Variants in ZNF572 observed in about 807,000 individuals in gnomAD.
ZNF572 encodes zinc finger protein 572.
Under a neutral mutation model 3.8 loss-of-function variants are expected in ZNF572, and 2 were observed. The observed-to-expected ratio is 0.52, with a 90% CI of 0.21 to 1.65. ZNF572 has a LOEUF of 1.65. Among genes scored for constraint, ZNF572 ranks in the 40% most tolerant of loss-of-function variants. ZNF572 has a pLI of 0.20. For missense variants in ZNF572, 581 were observed against 633.4 expected, an observed-to-expected ratio of 0.92 and a Z score of 0.89; for synonymous variants, 187 against 204.5, an observed-to-expected ratio of 0.91 and a Z score of 0.73.
rs1814497254 is a variant in ZNF572, at chr8:124,975,648, A to G, written c.8A>G (p.Gln3Arg). The G allele has an allele frequency of 1.2e-6, 2 of 1,613,782 alleles. No homozygotes were observed. The highest frequency in any genetic ancestry group is 3.3e-5 in the Admixed American group (2 of 60,000). Reference protein sequence around the residue: MEQEKKLLVSDSN... With the variant: MEREKKLLVSDSN... ...TTGGCTGTGATCATTGTGATGGAGC[A>G]AGAAAAAAAACTGTTGGTCTCAGAT... The change falls in exon 2 of 3, where the codon CAA becomes CGA. Residue 3 changes from glutamine to arginine, a missense_variant. By Grantham distance (43) the Gln-to-Arg change is conservative. Coordinates refer to ENST00000319286, the MANE Select transcript of ZNF572 (RefSeq NM_152412.3).
chr8:124,976,402 ATAAACT>A lies in ZNF572; in HGVS notation c.139_144del (p.Leu47_Lys48del), dbSNP rs547438918. 2,287 of 1,611,350 alleles carry A rather than the reference ATAAACT, an allele frequency of 1.4e-3. 3 individuals are homozygous for A. The highest frequency in any genetic ancestry group is 1.7e-3 in the Non-Finnish European group (1,967 of 1,178,882). ...GTTCACCACAATAATTCTAAGGCAGATAAACTTAAAGAGAAACCTTCAGAATGGTCT... is the reference window on the plus strand; with the variant it reads ...GTTCACCACAATAATTCTAAGGCAGATAAAGAGAAACCTTCAGAATGGTCT... On this transcript the variant is annotated inframe_deletion, in exon 3 of 3. Transcript: ENST00000319286.
At position 124,977,423 on chromosome 8, in the gene ZNF572, A is replaced by G. The variant is rs200935963; in HGVS notation, c.1155A>G (p.Arg385=). The G allele has an allele frequency of 6.2e-7, 1 of 1,614,080 alleles. No homozygotes were observed. Among genetic ancestry groups the G allele is most frequent in the Non-Finnish European group, 8.5e-7 (1 of 1,179,998 alleles). Residue 385 remains arginine, a synonymous_variant, in exon 3 of 3, where the codon AGA becomes AGG. Coordinates refer to ENST00000319286, the MANE Select transcript of ZNF572 (RefSeq NM_152412.3). ...CRIQLGEKPY[R]CCECGKSFGL... is the part of the protein sequence containing the mutation. ...TCCAGTTAGGAGAGAAACCATATAGATGTTGTGAATGTGGGAAGAGTTTTG... is the reference window on the plus strand; with the variant it reads ...TCCAGTTAGGAGAGAAACCATATAGGTGTTGTGAATGTGGGAAGAGTTTTG...
Position 124,977,677 on chromosome 8 carries a change from G to A in ZNF572, c.1409G>A (p.Cys470Tyr). The A allele has an allele frequency of 1.2e-6, 2 of 1,614,212 alleles. No individual in the cohort carries two copies. The highest frequency in any genetic ancestry group is 1.3e-5 in the African/African-American group (1 of 75,062). ...RTHIGEKPYK[C>Y]TSCEKCFSRS... ...CACATAGGGGAAAAACCTTACAAAT[G>A]TACCAGCTGTGAGAAATGCTTCAGC... Residue 470 changes from cysteine (C) to tyrosine (Y), a missense_variant, in exon 3 of 3, where the codon TGT (cysteine) becomes TAT (tyrosine). Cys to Tyr is a radical substitution (Grantham distance 194). Coordinates refer to ENST00000319286, the MANE Select transcript of ZNF572 (RefSeq NM_152412.3).
chr8:124,977,353 A>C lies in ZNF572; in HGVS notation c.1085A>C (p.Glu362Ala). The C allele has an allele frequency of 1.9e-6, 3 of 1,614,240 alleles. No homozygotes were observed. Among genetic ancestry groups the C allele is most frequent in the Non-Finnish European group, 1.7e-6 (2 of 1,180,040 alleles). ...AAATCCTATGAAAGTTCTGAATATGAGGAAAGTTTGGGTCAGAACTGCAAT... is the reference window on the plus strand; with the variant it reads ...AAATCCTATGAAAGTTCTGAATATGCGGAAAGTTTGGGTCAGAACTGCAAT... ...GEKSYESSEYEESLGQNCNVI... is the reference protein window; with the variant it reads ...GEKSYESSEYAESLGQNCNVI... The change falls in exon 3 of 3, where the codon GAG becomes GCG. Residue 362 changes from glutamate (E) to alanine (A), a missense_variant. By Grantham distance (107) the Glu-to-Ala change is moderately radical. Transcript: ENST00000319286.
In ZNF572 at chr8:124,978,052, CACCAA is replaced by C; in HGVS notation, c.*195_*199del. ...GGATCTGTCCAGTGAGAGATTCATC[CACCAA>C]GGATGAAGAAAGGAGGACTTTTAAA... On this transcript the variant is annotated 3_prime_UTR_variant, in exon 3 of 3. Transcript: ENST00000319286. The C allele has an allele frequency of 1.8e-6, 1 of 547,074 alleles. No individual in the cohort carries two copies. The highest frequency in any genetic ancestry group is 3.0e-6 in the Non-Finnish European group (1 of 329,106). The allele number at this position is 547,074 out of a possible 1,614,324, so 33.9% of individuals were successfully genotyped here.
chr8:124,976,583 A>G lies in ZNF572; in HGVS notation c.315A>G (p.Lys105=). ...ATTTTATAGCTAAAGAGGAGGAAAA[A>G]CCCAATCACCAGGAATGGGACTCAG... The part of the protein sequence containing the change: ...WGNFIAKEEE[K]PNHQEWDSGE... The change falls in exon 3 of 3, where the codon AAA becomes AAG. Residue 105 remains lysine, a synonymous_variant. Transcript: ENST00000319286. The G allele has an allele frequency of 6.2e-7, 1 of 1,614,116 alleles. No individual in the cohort carries two copies. Among genetic ancestry groups the G allele is most frequent in the Non-Finnish European group, 8.5e-7 (1 of 1,180,000 alleles).
chr8:124,977,177 T>A lies in ZNF572; in HGVS notation c.909T>A (p.Leu303=). 6.2e-7 allele frequency: 1 copy of A among 1,610,180 alleles called. No individual in the cohort carries two copies. The highest frequency in any genetic ancestry group is 8.5e-7 in the Non-Finnish European group (1 of 1,180,004). ...THTGEKPYKC[L]ECEKSFGCNS... is the part of the protein sequence containing the mutation. Reference sequence around the variant, plus strand: ...CAGGTGAGAAGCCCTACAAATGTCTTGAGTGTGAAAAAAGCTTTGGTTGTA... The same window carrying A: ...CAGGTGAGAAGCCCTACAAATGTCTAGAGTGTGAAAAAAGCTTTGGTTGTA... Residue 303 remains leucine (L), a synonymous_variant, in exon 3 of 3, where the codon CTT becomes CTA. Coordinates refer to ENST00000319286, the MANE Select transcript of ZNF572 (RefSeq NM_152412.3).
In ZNF572 at chr8:124,977,045, A is replaced by G; in HGVS notation, c.777A>G (p.Leu259=). Residue 259 remains leucine, a synonymous_variant, in exon 3 of 3, where the codon CTA becomes CTG. Transcript: ENST00000319286. ...CGKGFSHSYV[L]IEHQRTHTGE... ...AAGGCTTCAGTCACAGCTATGTCCT[A>G]ATAGAACATCAGAGGACTCACACTG... 4.3e-6 allele frequency: 7 copies of G among 1,613,186 alleles called. No individual in the cohort carries two copies. The highest frequency in any genetic ancestry group is 5.9e-6 in the Non-Finnish European group (7 of 1,180,006).
Position 124,977,818 on chromosome 8 carries a change from C to T in ZNF572, c.1550C>T (p.Pro517Leu), listed in dbSNP as rs761153028. 1 of 1,600,812 alleles carries T rather than the reference C, an allele frequency of 6.2e-7. No homozygotes were observed. The part of the protein sequence containing the change: ...WTWKNCSGEM[P>L]FISSFSVSNS... ...TGGAAAAACTGTTCAGGGGAAATGC[C>T]CTTCATCTCTTCATTTTCCGTCTCA... The change falls in exon 3 of 3, where the codon CCC (proline) becomes CTC (leucine). Residue 517 changes from proline (P) to leucine (L), a missense_variant. By Grantham distance (98) the Pro-to-Leu change is moderately conservative (BLOSUM62 -3). Transcript: ENST00000319286.
rs754241764 is a variant in ZNF572 at position 124,976,642 on chromosome 8, C to T, written c.374C>T (p.Ser125Leu). 28 of 1,614,206 alleles carry T rather than the reference C, an allele frequency of 1.7e-5. No individual in the cohort carries two copies. The highest frequency in any genetic ancestry group is 2.3e-5 in the Non-Finnish European group (27 of 1,180,032). ...ACCAATGCCTGTGTCCAGCAGAATT[C>T]ATCCTTTGTAGACAGACCCTATAAA... ...EHTNACVQQN[S>L]SFVDRPYKCS... The change falls in exon 3 of 3, where the codon TCA becomes TTA. Residue 125 changes from serine to leucine, a missense_variant. Ser to Leu is a moderately radical substitution (Grantham distance 145, BLOSUM62 -2). Coordinates refer to ENST00000319286, the MANE Select transcript of ZNF572 (RefSeq NM_152412.3).
rs1361778477 is a variant in ZNF572, at chr8:124,976,645, C to G, written c.377C>G (p.Ser126Cys). The change falls in exon 3 of 3, where the codon TCC (serine) becomes TGC (cysteine). Residue 126 changes from serine to cysteine, a missense_variant. Physicochemically the swap from Ser to Cys is moderately radical, Grantham distance 112. Transcript: ENST00000319286. The part of the protein sequence containing the change: ...HTNACVQQNS[S>C]FVDRPYKCSE... ...AATGCCTGTGTCCAGCAGAATTCAT[C>G]CTTTGTAGACAGACCCTATAAATGT... The G allele has an allele frequency of 1.2e-6, 2 of 1,614,068 alleles. No individual in the cohort carries two copies. The highest frequency in any genetic ancestry group is 2.7e-5 in the African/African-American group (2 of 74,910).
chr8:124,973,859 T>C (rs1167252142), intron 1 of ZNF572, among the ~76,000 whole-genome samples: 1 of 152,228 alleles, frequency 6.6e-6, no homozygotes, highest in South Asian at 2.1e-4. Context: ...GGGGCTCCTT[T>C]GCTGCCAAAT....
In ZNF572 at chr8:124,977,514, G is replaced by GA. The variant is rs756925120; in HGVS notation, c.1247dup (p.Cys417ValfsTer25). 2 of 1,614,180 alleles carry GA rather than the reference G, an allele frequency of 1.2e-6. No homozygotes were observed. The highest frequency in any genetic ancestry group is 4.5e-5 in the East Asian group (2 of 44,876). On this transcript the variant is annotated frameshift_variant, in exon 3 of 3. Coordinates refer to ENST00000319286, the MANE Select transcript of ZNF572 (RefSeq NM_152412.3). LOFTEE classifies it low-confidence loss of function (END_TRUNC). ...AGGAGAAAAACCTTACAGATGTTCT[G>GA]AGTGCTGGAAAACTTTCAGTCAGAG...
rs144830517 is a variant in ZNF572, at chr8:124,978,800, G to A, written c.*942G>A. On this transcript the variant is annotated 3_prime_UTR_variant, in exon 3 of 3. Coordinates refer to ENST00000319286, the MANE Select transcript of ZNF572 (RefSeq NM_152412.3). ...ATTCCTGAATTCTATCTTAAAATTT[G>A]CAATGAAGAGCCTTTTCCCTAAATT... The A allele has an allele frequency of 1.3e-5, 2 of 152,298 alleles. No homozygotes were observed. Among genetic ancestry groups the A allele is most frequent in the East Asian group, 3.9e-4 (2 of 5,192 alleles). 9.4% of individuals were successfully genotyped at this position (152,298 alleles called of 1,614,324 possible).
Position 124,976,502 on chromosome 8 carries a change from T to C in ZNF572, c.234T>C (p.Asp78=), listed in dbSNP as rs538634679. 2 of 1,605,116 alleles carry C rather than the reference T, an allele frequency of 1.2e-6. No individual in the cohort carries two copies. Among genetic ancestry groups the C allele is most frequent in the East Asian group, 4.5e-5 (2 of 44,628 alleles). The part of the protein sequence containing the change: ...AKEMPLTWVQ[D]EIWCHDSYES... ...AAATGCCACTGACATGGGTTCAAGATGAGATTTGGTGTCATGATTCCTATG... is the reference window on the plus strand; with the variant it reads ...AAATGCCACTGACATGGGTTCAAGACGAGATTTGGTGTCATGATTCCTATG... Residue 78 remains aspartate (D), a synonymous_variant, in exon 3 of 3, where the codon GAT becomes GAC. Transcript: ENST00000319286.
chr8:124,975,731 A>C lies in ZNF572; in HGVS notation c.79+12A>C. Reference sequence around the variant, plus strand: ...AAGCCCTTTCACAGGTGAGGGATCAAGACGATGATCTGAATCCTTAGGAAA... The same window carrying C: ...AAGCCCTTTCACAGGTGAGGGATCACGACGATGATCTGAATCCTTAGGAAA... On this transcript the variant is annotated intron_variant, in intron 2 of 2. Transcript: ENST00000319286. 6.2e-7 allele frequency: 1 copy of C among 1,608,828 alleles called. No individual in the cohort carries two copies. Among genetic ancestry groups the C allele is most frequent in the Non-Finnish European group, 8.5e-7 (1 of 1,175,262 alleles).
rs777294680 is a variant in ZNF572 at position 124,976,395 on chromosome 8, A to G, written c.127A>G (p.Lys43Glu). The G allele has an allele frequency of 6.2e-7, 1 of 1,610,304 alleles. No homozygotes were observed. Among genetic ancestry groups the G allele is most frequent in the African/African-American group, 1.3e-5 (1 of 74,670 alleles). ...GGAAACTGTTCACCACAATAATTCTAAGGCAGATAAACTTAAAGAGAAACC... is the reference window on the plus strand; with the variant it reads ...GGAAACTGTTCACCACAATAATTCTGAGGCAGATAAACTTAAAGAGAAACC... ...NLETVHHNNSKADKLKEKPSE... is the reference protein window; with the variant it reads ...NLETVHHNNSEADKLKEKPSE... The change falls in exon 3 of 3, where the codon AAG becomes GAG. Residue 43 changes from lysine to glutamate, a missense_variant. Coordinates refer to ENST00000319286, the MANE Select transcript of ZNF572 (RefSeq NM_152412.3).
chr8:124,976,292 TTTAC>T, intron 2 of ZNF572, 52 bp from the exon 3 acceptor site: 1 of 1,439,274 alleles, frequency 6.9e-7, no homozygotes, highest in Middle Eastern at 2.1e-4. Context: ...CAATTTAGAA[TTTAC>T]TTCTCTGGCA....
In ZNF572 at chr8:124,976,774, T is replaced by G; in HGVS notation, c.506T>G (p.Phe169Cys). The G allele has an allele frequency of 1.2e-6, 2 of 1,614,186 alleles. No homozygotes were observed. The highest frequency in any genetic ancestry group is 2.2e-5 in the South Asian group (2 of 91,074). Residue 169 changes from phenylalanine to cysteine, a missense_variant, in exon 3 of 3, where the codon TTT (phenylalanine) becomes TGT (cysteine). Physicochemically the swap from Phe to Cys is radical, Grantham distance 205. Coordinates refer to ENST00000319286, the MANE Select transcript of ZNF572 (RefSeq NM_152412.3). ...PYKCSECAKC[F>C]CNSSHLIQHL... Reference sequence around the variant, plus strand: ...AAATGCTCTGAGTGTGCAAAATGTTTTTGTAACAGTTCTCACCTGATTCAG... The same window carrying G: ...AAATGCTCTGAGTGTGCAAAATGTTGTTGTAACAGTTCTCACCTGATTCAG...
Sources: allele counts gnomAD v4.1 joint callset (sites outside exome capture counted in the v4.1 genomes callset), GRCh38; gene constraint gnomAD v4.1.1; transcripts MANE v1.5; gene names NCBI Gene and HGNC (gene_info 2026-07-23, HGNC 2026-07-21).